Variants in RHBDD2 observed in about 807,000 individuals in gnomAD.
RHBDD2 encodes rhomboid domain containing 2, also known as rhomboid domain-containing protein 2.
A neutral mutation model predicts 21.7 loss-of-function variants in RHBDD2; 13 were observed. The ratio of observed to expected loss-of-function variants is 0.60; its 90% confidence interval spans 0.39 to 0.95. The LOEUF (loss-of-function observed/expected upper bound fraction) is 0.95, where lower values mean the gene tolerates loss of function less well. Ranked by LOEUF, RHBDD2 falls within the 40% of genes least tolerant of loss-of-function variation. RHBDD2 has a pLI of 0.00. For missense variants in RHBDD2, 473 were observed against 478.9 expected (o/e 0.99, Z 0.11); for synonymous variants, 225 against 220.0 (o/e 1.02, Z -0.20).
intron 3 of RHBDD2, among the ~76,000 whole-genome samples, chr7:75,887,594 G>C (rs1282670533): frequency 6.6e-6 from 1 of 152,076 alleles, no homozygotes; most frequent in Non-Finnish European, 1.5e-5. Context: ...AAAGTGCTGG[G>C]ATTGCAGGTG....
At chr7:75,887,919 A>G (rs1805776975) in intron 3 of RHBDD2, 73 bp from the exon 4 acceptor site, 5 of 1,315,728 alleles carry the variant, frequency 3.8e-6, no homozygotes, top group Non-Finnish European at 4.3e-6. Context: ...AAGCGGGGGC[A>G]ACCTCAAGCA....
chr7:75,880,038 C>A (rs1020933476), intron 1 of RHBDD2, among the ~76,000 whole-genome samples: 1 of 152,140 alleles, frequency 6.6e-6, no homozygotes, highest in Non-Finnish European at 1.5e-5. Flanking sequence ...GATCCCATGA[C>A]GTAGGACCTG....
Position 75,887,854 on chromosome 7 carries a change from C to T in RHBDD2, c.738-138C>T, listed in dbSNP as rs1805772529. 3.9e-6 allele frequency: 3 copies of T among 760,700 alleles called. No individual in the cohort carries two copies. The South Asian group carries it at 5.0e-5, about 13-fold the overall frequency. The allele number at this position is 760,700 out of a possible 1,614,324, so 47.1% of individuals were successfully genotyped here. A position where few individuals can be genotyped will look rare whatever the true frequency, so the allele number is the denominator to read the frequency against. On this transcript the variant is annotated intron_variant, in intron 3 of 3. Transcript: ENST00000006777. ...CTGATTGGTTGAGGTTAACCTTTCT[C>T]CCACTTGGTACTTAGAGCAAGTCAC...
At position 75,881,894 on chromosome 7, in the gene RHBDD2, A is replaced by G. The variant is rs782776001; in HGVS notation, c.244A>G (p.Ile82Val). Reference sequence around the variant, plus strand: ...CATCTCCCTGCTCTGCGGCGCTATCATCATCTGGCGCTTTGCTGGCAATTT... The same window carrying G: ...CATCTCCCTGCTCTGCGGCGCTATCGTCATCTGGCGCTTTGCTGGCAATTT... ...NPISLLCGAI[I>V]IWRFAGNFER... is the part of the protein sequence containing the mutation. Residue 82 changes from isoleucine (I) to valine (V), a missense_variant, in exon 2 of 4, where the codon ATC becomes GTC. Transcript: ENST00000006777. 12 of 1,614,032 alleles carry G rather than the reference A, an allele frequency of 7.4e-6. No individual in the cohort carries two copies. The Admixed American group carries it at 8.3e-5, about 11-fold the overall frequency.
rs1805151652 is a variant in RHBDD2, at chr7:75,879,073, G to T, written c.-10G>T. 8.1e-6 allele frequency: 11 copies of T among 1,363,100 alleles called. No homozygotes were observed. The highest frequency in any genetic ancestry group is 1.0e-5 in the Non-Finnish European group (11 of 1,053,334). The allele number at this position is 1,363,100 out of a possible 1,614,324, so 84.4% of individuals were successfully genotyped here. A position where few individuals can be genotyped will look rare whatever the true frequency, so the allele number is the denominator to read the frequency against. ...CGGCGTCGAGGCGGGGCGCGGGAAC[G>T]ACGGCGGCCATGGCGGCCTCGGGGC... On this transcript the variant is annotated 5_prime_UTR_variant, in exon 1 of 4. Transcript: ENST00000006777.
chr7:75,882,374 G>A, intron 2 of RHBDD2, 138 bp downstream of exon 2: 1 of 805,204 alleles, frequency 1.2e-6, no homozygotes, highest in Non-Finnish European at 1.9e-6. Context: ...CCAGGCTGGA[G>A]TGCAGTGGCA....
intron 3 of RHBDD2, among the ~76,000 whole-genome samples, chr7:75,887,760 A>G (rs1805767989): frequency 6.6e-6 from 1 of 152,092 alleles, no homozygotes; most frequent in Admixed American, 6.6e-5. Flanking sequence ...TGGCAGGTCC[A>G]GTGTCCTTTC....
intron 3 of RHBDD2, among the ~76,000 whole-genome samples, chr7:75,885,157 C>T (rs1441794620): frequency 6.6e-6 from 1 of 151,380 alleles, no homozygotes; most frequent in African/African-American, 2.4e-5. Context: ...TCCACACAGC[C>T]AACTAGGCTG....
At chr7:75,886,642 A>C (rs977566073) in intron 3 of RHBDD2, among the ~76,000 whole-genome samples, 3 of 151,934 alleles carry the variant, frequency 2.0e-5, no homozygotes, top group Non-Finnish European at 4.4e-5. Flanking sequence ...GTGAAACCCC[A>C]TCTCTACTAA....
chr7:75,887,173 TGTTGCCTAGGCTGGA>T (rs1353802955), intron 3 of RHBDD2, among the ~76,000 whole-genome samples: 1 of 149,020 alleles, frequency 6.7e-6, no homozygotes, highest in East Asian at 1.9e-4. Context: ...GGTCTTGCTC[TGTTGCCTAGGCTGGA>T]GTGCAGTGGC....
chr7:75,887,134 ATTTTTTTTT>A (rs528254017), intron 3 of RHBDD2, among the ~76,000 whole-genome samples: 1 of 124,290 alleles, frequency 8.0e-6, no homozygotes, highest in East Asian at 2.2e-4. Flanking sequence ...TTGATAGATA[ATTTTTTTTT>A]TTTTTTTTTT....
At chr7:75,881,700 G>C (rs2115995407) in intron 1 of RHBDD2, 129 bp from the exon 2 acceptor site, 1 of 1,031,790 alleles carries the variant, frequency 9.7e-7, no homozygotes, top group Non-Finnish European at 1.4e-6. Context: ...ATTGCCTCCT[G>C]CTGCGACTCA....
At chr7:75,879,437 C>G (rs946135670) in intron 1 of RHBDD2, among the ~76,000 whole-genome samples, 177 bp downstream of exon 1, 2 of 152,236 alleles carry the variant, frequency 1.3e-5, no homozygotes, top group Non-Finnish European at 2.9e-5. Context: ...GTCTCTTGCT[C>G]TCCGTGTTCC....
chr7:75,885,429 C>G (rs886194982), intron 3 of RHBDD2, among the ~76,000 whole-genome samples: 2 of 152,140 alleles, frequency 1.3e-5, no homozygotes, highest in African/African-American at 4.8e-5. Flanking sequence ...CCCAGTGCCT[C>G]CTGCCTCTGA....
intron 3 of RHBDD2, 31 bp from the exon 4 acceptor site, chr7:75,887,961 A>G (rs782454387): frequency 6.3e-7 from 1 of 1,580,684 alleles, no homozygotes; most frequent in Non-Finnish European, 8.7e-7. Context: ...AGACTCGCTG[A>G]AGGACCATTT....
In RHBDD2 at chr7:75,879,279, G is replaced by C; in HGVS notation, c.178+19G>C. 1.4e-6 allele frequency: 2 copies of C among 1,458,282 alleles called. No homozygotes were observed. Among genetic ancestry groups the C allele is most frequent in the South Asian group, 1.3e-5 (1 of 75,944 alleles). The allele number at this position is 1,458,282 out of a possible 1,614,324, so 90.3% of individuals were successfully genotyped here. ...TGGCAAGGTGAGCAGGGGCGGGCCGGGATCGCGGGGCGAGTCCTTGTCCTC... is the reference window on the plus strand; with the variant it reads ...TGGCAAGGTGAGCAGGGGCGGGCCGCGATCGCGGGGCGAGTCCTTGTCCTC... On this transcript the variant is annotated intron_variant, in intron 1 of 3. Transcript: ENST00000006777.
In RHBDD2 at chr7:75,879,035, G is replaced by T. The variant is rs182081039; in HGVS notation, c.-48G>T. On this transcript the variant is annotated 5_prime_UTR_variant, in exon 1 of 4. Coordinates refer to ENST00000006777, the MANE Select transcript of RHBDD2 (RefSeq NM_001040456.3). Reference sequence around the variant, plus strand: ...CTGCCGCGAGGAGGCGGAAGGAGCAGAGGACCGGCAGCCGGCGTCGAGGCG... The same window carrying T: ...CTGCCGCGAGGAGGCGGAAGGAGCATAGGACCGGCAGCCGGCGTCGAGGCG... 7.3e-7 allele frequency: 1 copy of T among 1,361,440 alleles called. No individual in the cohort carries two copies. The highest frequency in any genetic ancestry group is 9.5e-7 in the Non-Finnish European group (1 of 1,054,736). The allele number at this position is 1,361,440 out of a possible 1,614,324, so 84.3% of individuals were successfully genotyped here.
intron 2 of RHBDD2, among the ~76,000 whole-genome samples, chr7:75,882,769 A>T (rs1267816155): frequency 2.2e-4 from 33 of 151,960 alleles, no homozygotes; most frequent in Non-Finnish European, 1.5e-5. Flanking sequence ...ATAGGCGGTT[A>T]ACTTACTTGA....
In RHBDD2 at chr7:75,888,301, A is replaced by G; in HGVS notation, c.1047A>G (p.Thr349=). The G allele has an allele frequency of 1.2e-6, 2 of 1,612,964 alleles. No individual in the cohort carries two copies. The highest frequency in any genetic ancestry group is 1.7e-6 in the Non-Finnish European group (2 of 1,179,852). ...PGTVYSGALG[T]PGAAGSKESS... ...CGGTGTATTCTGGGGCCTTGGGCAC[A>G]CCAGGGGCTGCAGGCTCCAAGGAGT... is the stretch of plus-strand genomic sequence containing the variant. The change falls in exon 4 of 4, where the codon ACA becomes ACG. Residue 349 remains threonine, a synonymous_variant. Coordinates refer to ENST00000006777, the MANE Select transcript of RHBDD2 (RefSeq NM_001040456.3).
Sources: gnomAD v4.1 joint callset for allele counts (sites outside exome capture counted in the v4.1 genomes callset) on GRCh38, gnomAD v4.1.1 for gene constraint, MANE v1.5 for transcripts, NCBI Gene and HGNC (gene_info 2026-07-23, HGNC 2026-07-21) for gene names.